STXBP5L: variants seen among roughly 807,000 people sequenced by gnomAD.
The protein encoded by STXBP5L is syntaxin binding protein 5L.
STXBP5L carries 65 observed loss-of-function variants against 144.5 expected under a neutral mutation model. The ratio of observed to expected loss-of-function variants is 0.45; its 90% CI spans 0.37 to 0.55. STXBP5L has a LOEUF of 0.55. STXBP5L is among the 20% of genes least tolerant of loss of function. The probability of loss-of-function intolerance (pLI) is 0.00; values close to 1 mark genes in which losing one functional copy is unlikely to be tolerated. For missense variants in STXBP5L, 1,298 were observed against 1,405.5 expected (o/e 0.92, Z 1.22); for synonymous variants, 505 against 469.6 (o/e 1.08, Z -0.97).
intron 20 of STXBP5L, among the ~76,000 whole-genome samples, chr3:121,339,583 A>T (rs946283854): frequency 3.9e-5 from 6 of 152,150 alleles, no homozygotes; most frequent in African/African-American, 1.4e-4. Context: ...CAAGAGAAAG[A>T]AAGGAATTCC....
At chr3:121,066,329 G>A (rs1221341742) in intron 5 of STXBP5L, among the ~76,000 whole-genome samples, 1 of 150,634 alleles carries the variant, frequency 6.6e-6, no homozygotes, top group Non-Finnish European at 1.5e-5. Flanking sequence ...GTAAGATTAA[G>A]AAAGTTTATT....
At chr3:120,920,878 C>T (rs539517139) in intron 2 of STXBP5L, among the ~76,000 whole-genome samples, 3 of 151,904 alleles carry the variant, frequency 2.0e-5, no homozygotes, top group Admixed American at 6.6e-5. Context: ...TTTCTTTATC[C>T]ATTCATTCAT....
At chr3:121,342,605 T>C (rs1576224796) in intron 20 of STXBP5L, among the ~76,000 whole-genome samples, 1 of 151,494 alleles carries the variant, frequency 6.6e-6, no homozygotes, top group East Asian at 1.9e-4. Flanking sequence ...TGTTTGGTTT[T>C]TTGTTCTTGT....
At chr3:121,333,546 G>GAC (rs142638758) in intron 20 of STXBP5L, among the ~76,000 whole-genome samples, 21,747 of 144,948 alleles carry the variant, frequency 0.15, 1,731 homozygotes, top group Non-Finnish European at 0.19. Context: ...AGGAGATTGG[G>GAC]ACACACACAC....
intron 10 of STXBP5L, among the ~76,000 whole-genome samples, chr3:121,208,061 T>C (rs1467718877): frequency 6.6e-6 from 1 of 152,120 alleles, no homozygotes; most frequent in Non-Finnish European, 1.5e-5. Context: ...CTATTCACAA[T>C]AGTAAAGACT....
At chr3:120,990,557 A>T (rs1175029698) in intron 3 of STXBP5L, among the ~76,000 whole-genome samples, 1 of 152,202 alleles carries the variant, frequency 6.6e-6, no homozygotes, top group East Asian at 1.9e-4. Flanking sequence ...ACTTCAAACT[A>T]TACTACAAGG....
chr3:121,391,391 A>G (rs2046580540), intron 22 of STXBP5L, among the ~76,000 whole-genome samples: 1 of 152,144 alleles, frequency 6.6e-6, no homozygotes. Flanking sequence ...ACTTCTGTCA[A>G]CTTGTCAAAG....
chr3:121,252,598 TA>T (rs1325233814), intron 15 of STXBP5L, among the ~76,000 whole-genome samples: 3 of 152,246 alleles, frequency 2.0e-5, no homozygotes, highest in African/African-American at 4.8e-5. Context: ...ATGGATGTCT[TA>T]AAAAAATTAC....
chr3:121,032,629 C>T (rs1186286452), intron 3 of STXBP5L, among the ~76,000 whole-genome samples: 2 of 132,960 alleles, frequency 1.5e-5, no homozygotes, highest in Non-Finnish European at 3.2e-5. Context: ...TCAGAGTGAA[C>T]AGGCAACCTA....
intron 20 of STXBP5L, among the ~76,000 whole-genome samples, chr3:121,343,002 G>C (rs1328317461): frequency 6.6e-6 from 1 of 151,382 alleles, no homozygotes; most frequent in South Asian, 2.1e-4. Flanking sequence ...ATCCTCTCCA[G>C]CACCTGCTGT....
intron 3 of STXBP5L, among the ~76,000 whole-genome samples, chr3:120,991,962 A>T (rs892742650): frequency 6.6e-6 from 1 of 152,016 alleles, no homozygotes; most frequent in Non-Finnish European, 1.5e-5. Context: ...AAAGTATAAT[A>T]AAAAAAATCC....
chr3:121,378,959 GGGAT>G, intron 21 of STXBP5L, 73 bp downstream of exon 21: 1 of 1,438,752 alleles, frequency 7.0e-7, no homozygotes, highest in Non-Finnish European at 9.5e-7. Context: ...ACAGAGATAT[GGGAT>G]GGAGATCACA....
chr3:121,256,190 G>A (rs2050200822), intron 16 of STXBP5L, among the ~76,000 whole-genome samples: 1 of 151,994 alleles, frequency 6.6e-6, no homozygotes, highest in South Asian at 2.1e-4. Context: ...TTCTTGTGAT[G>A]ATTATATAAA....
At chr3:121,077,156 T>C (rs2042052528) in intron 5 of STXBP5L, among the ~76,000 whole-genome samples, 1 of 152,192 alleles carries the variant, frequency 6.6e-6, no homozygotes, top group Non-Finnish European at 1.5e-5. Flanking sequence ...GAGCCCCACC[T>C]GCATCTGGTG....
intron 3 of STXBP5L, among the ~76,000 whole-genome samples, chr3:121,000,148 T>C (rs1210552394): frequency 6.6e-6 from 1 of 152,156 alleles, no homozygotes; most frequent in Non-Finnish European, 1.5e-5. Flanking sequence ...AATTTGAATG[T>C]GAACCTCTCT....
intron 5 of STXBP5L, among the ~76,000 whole-genome samples, chr3:121,098,739 C>T (rs1452913019): frequency 1.3e-5 from 2 of 152,122 alleles, no homozygotes; most frequent in African/African-American, 4.8e-5. Context: ...GATGATGGGT[C>T]CTCCTGATGT....
intron 5 of STXBP5L, among the ~76,000 whole-genome samples, chr3:121,084,462 G>C (rs760829184): frequency 7.2e-5 from 11 of 152,036 alleles, no homozygotes; most frequent in South Asian, 2.1e-4. Context: ...GTGGTGTTTG[G>C]TTTTCTGTTC....
At chr3:121,053,054 C>T (rs1419259244) in intron 5 of STXBP5L, among the ~76,000 whole-genome samples, 2 of 152,174 alleles carry the variant, frequency 1.3e-5, no homozygotes, top group African/African-American at 4.8e-5. Flanking sequence ...TGAAGGACCT[C>T]TTCAAGGAGA....
At chr3:120,982,995 C>T (rs1170455986) in intron 3 of STXBP5L, among the ~76,000 whole-genome samples, 2 of 152,084 alleles carry the variant, frequency 1.3e-5, no homozygotes, top group Non-Finnish European at 2.9e-5. Context: ...GTGCTGTGGA[C>T]CTGCCACCAA....
Sources: gnomAD v4.1 joint callset for allele counts (sites outside exome capture counted in the v4.1 genomes callset) on GRCh38, gnomAD v4.1.1 for gene constraint, MANE v1.5 for transcripts, NCBI Gene and HGNC (gene_info 2026-07-23, HGNC 2026-07-21) for gene names.